SPON1: variants seen among roughly 807,000 people sequenced by gnomAD.
SPON1 encodes spondin-1.
Under a neutral mutation model 111.7 loss-of-function variants are expected in SPON1, and 52 were observed. The ratio of observed to expected loss-of-function variants is 0.47; its 90% CI spans 0.37 to 0.59. The LOEUF (loss-of-function observed/expected upper bound fraction) is 0.59. Ranked by LOEUF, SPON1 falls within the 20% of genes least tolerant of loss-of-function variation. SPON1 has a pLI of 0.00. For missense variants in SPON1, 957 were observed against 1,068.5 expected, an observed-to-expected ratio of 0.90 and a Z score of 1.46; for synonymous variants, 410 against 395.8, an observed-to-expected ratio of 1.04 and a Z score of -0.43.
At chr11:14,160,443 TTATATATATATTTA>T (rs1847901018) in intron 6 of SPON1, among the ~76,000 whole-genome samples, 2 of 16,722 alleles carry the variant, frequency 1.2e-4, no homozygotes, top group Non-Finnish European at 1.8e-4. Flanking sequence ...ATATATATAT[TTATATATATATTTA>T]TATATATATA....
chr11:14,191,234 A>G (rs1305281941), intron 6 of SPON1, among the ~76,000 whole-genome samples: 3 of 152,202 alleles, frequency 2.0e-5, no homozygotes, highest in African/African-American at 2.4e-5. Context: ...GCCTGCCCCA[A>G]CTGGCCACGG....
At chr11:13,966,203 T>TC (rs1317590232) in intron 1 of SPON1, among the ~76,000 whole-genome samples, 1 of 151,866 alleles carries the variant, frequency 6.6e-6, no homozygotes, top group Non-Finnish European at 1.5e-5. Flanking sequence ...CTTCCCACAG[T>TC]CCCCCCTCCC....
chr11:14,071,834 C>A (rs990165338), intron 3 of SPON1, among the ~76,000 whole-genome samples: 2 of 152,042 alleles, frequency 1.3e-5, no homozygotes, highest in Admixed American at 1.3e-4. Context: ...GCCTCAGTCT[C>A]CCAAGCAGCA....
chr11:14,260,077 C>T (rs971951174), intron 13 of SPON1, among the ~76,000 whole-genome samples: 1 of 152,190 alleles, frequency 6.6e-6, no homozygotes, highest in African/African-American at 2.4e-5. Flanking sequence ...TCCTGTTGTA[C>T]ATTGGACTTG....
chr11:14,155,117 C>T (rs1434151560), intron 6 of SPON1, among the ~76,000 whole-genome samples: 2 of 152,198 alleles, frequency 1.3e-5, no homozygotes, highest in African/African-American at 4.8e-5. Flanking sequence ...TTTGACAAGT[C>T]TCTGGAAAGT....
At chr11:13,966,940 TATGAG>T (rs1848022452) in intron 1 of SPON1, among the ~76,000 whole-genome samples, 2 of 152,348 alleles carry the variant, frequency 1.3e-5, no homozygotes, top group South Asian at 4.1e-4. Context: ...AAAAATATGT[TATGAG>T]ATGATTATTT....
intron 3 of SPON1, among the ~76,000 whole-genome samples, chr11:14,073,160 TTAA>T (rs1848890170): frequency 6.6e-6 from 1 of 152,334 alleles, no homozygotes; most frequent in South Asian, 2.1e-4. Flanking sequence ...TACATTATTC[TTAA>T]TAATTTTGTG....
intron 5 of SPON1, among the ~76,000 whole-genome samples, chr11:14,116,603 T>C (rs782168808): frequency 6.6e-6 from 1 of 152,186 alleles, no homozygotes; most frequent in Non-Finnish European, 1.5e-5. Context: ...GCCCTGCAAA[T>C]AATACACTGT....
chr11:14,090,828 C>A (rs1554923227), intron 5 of SPON1, among the ~76,000 whole-genome samples: 49 of 3,766 alleles, frequency 0.013, 2 homozygotes, highest in East Asian at 0.098. Context: ...TATCTGGCCC[C>A]CCCCCCCCCC....
At chr11:13,975,788 GT>G (rs1288828117) in intron 1 of SPON1, among the ~76,000 whole-genome samples, 3 of 152,160 alleles carry the variant, frequency 2.0e-5, no homozygotes, top group African/African-American at 7.2e-5. Context: ...ACCTACTAGA[GT>G]TTTTCTTTGG....
chr11:14,027,208 G>C (rs1591355212), intron 2 of SPON1, among the ~76,000 whole-genome samples: 1 of 152,232 alleles, frequency 6.6e-6, no homozygotes, highest in African/African-American at 2.4e-5. Flanking sequence ...AAGAGCCAGA[G>C]CTGCAAACAA....
chr11:14,197,648 CAAAAAAAA>C (rs11343423), intron 6 of SPON1, among the ~76,000 whole-genome samples: 2 of 119,914 alleles, frequency 1.7e-5, no homozygotes, highest in African/African-American at 3.2e-5. Context: ...ACTAAATATA[CAAAAAAAA>C]AAAAAAAAAA....
intron 6 of SPON1, among the ~76,000 whole-genome samples, chr11:14,220,630 T>A (rs1199206366): frequency 6.6e-6 from 1 of 152,192 alleles, no homozygotes; most frequent in Non-Finnish European, 1.5e-5. Flanking sequence ...TCATAAAATA[T>A]AATTAGAAAT....
chr11:14,096,259 G>C (rs1396988341), intron 5 of SPON1, among the ~76,000 whole-genome samples: 2 of 152,178 alleles, frequency 1.3e-5, no homozygotes, highest in African/African-American at 2.4e-5. Flanking sequence ...AGGGAAGGCT[G>C]AACACATAAA....
intron 6 of SPON1, among the ~76,000 whole-genome samples, chr11:14,165,141 A>G (rs781894009): frequency 7.9e-5 from 12 of 152,312 alleles, no homozygotes; most frequent in African/African-American, 2.4e-4. Context: ...CCTTTAAACT[A>G]TAAACTAAGT....
At chr11:13,972,583 T>C (rs535906500) in intron 1 of SPON1, among the ~76,000 whole-genome samples, 1 of 152,334 alleles carries the variant, frequency 6.6e-6, no homozygotes, top group Non-Finnish European at 1.5e-5. Context: ...TAGAGCCCTC[T>C]GACATTCCTT....
chr11:14,082,551 G>A (rs1381498695), intron 5 of SPON1, among the ~76,000 whole-genome samples: 1 of 152,114 alleles, frequency 6.6e-6, no homozygotes, highest in African/African-American at 2.4e-5. Flanking sequence ...GTTGAACTCC[G>A]AGTCACACTC....
At chr11:14,201,068 C>T (rs1210426409) in intron 6 of SPON1, among the ~76,000 whole-genome samples, 2 of 151,918 alleles carry the variant, frequency 1.3e-5, no homozygotes, top group African/African-American at 4.8e-5. Context: ...TGGCCAGGTG[C>T]GGTGGCTCAC....
chr11:14,037,529 G>GAGA (rs1848603436), intron 2 of SPON1, among the ~76,000 whole-genome samples: 1 of 147,038 alleles, frequency 6.8e-6, no homozygotes, highest in Non-Finnish European at 1.5e-5. Flanking sequence ...TCCACATGTA[G>GAGA]AAAAAAAAAA....
Sources: gnomAD v4.1 joint callset for allele counts (sites outside exome capture counted in the v4.1 genomes callset) on GRCh38, gnomAD v4.1.1 for gene constraint, MANE v1.5 for transcripts, NCBI Gene and HGNC (gene_info 2026-07-23, HGNC 2026-07-21) for gene names.